The following LRP1B variants were observed in gnomAD, a reference collection of about 807,000 sequenced individuals.
The protein encoded by LRP1B is low-density lipoprotein receptor-related protein 1B.
A neutral mutation model predicts 556.6 loss-of-function variants in LRP1B; 217 were observed. That is an observed-to-expected ratio of 0.39 (90% CI 0.35 to 0.44). The LOEUF (loss-of-function observed/expected upper bound fraction) is 0.44, where lower values mean the gene tolerates loss of function less well. Among genes scored for constraint, LRP1B ranks in the 20% least tolerant of loss-of-function variants. The pLI is 1.00. For synonymous variants in LRP1B, 2,047 were observed against 1,865.8 expected (o/e 1.10, Z -2.50); for missense variants, 5,053 against 5,620.8 (o/e 0.90, Z 3.23).
chr2:141,339,627 T>C (rs1687981418), intron 3 of LRP1B, among the ~76,000 whole-genome samples: 1 of 152,190 alleles, frequency 6.6e-6, no homozygotes, highest in Non-Finnish European at 1.5e-5. Flanking sequence ...AAGTCAGCAC[T>C]CCTTGTATAT....
intron 2 of LRP1B, among the ~76,000 whole-genome samples, chr2:141,733,562 C>T (rs1389293458): frequency 2.6e-5 from 4 of 152,044 alleles, no homozygotes; most frequent in African/African-American, 9.7e-5. Context: ...TTAATGTCTC[C>T]CCGCTGCCTA....
At chr2:141,028,285 A>T (rs1698271554) in intron 11 of LRP1B, among the ~76,000 whole-genome samples, 1 of 151,660 alleles carries the variant, frequency 6.6e-6, no homozygotes, top group South Asian at 2.1e-4. Flanking sequence ...GTAAAAGTAT[A>T]AGAGGTATTA....
intron 63 of LRP1B, 103 bp from the exon 64 acceptor site, chr2:140,444,782 C>T (rs927461913): frequency 1.5e-5 from 11 of 715,370 alleles, no homozygotes; most frequent in Non-Finnish European, 2.7e-5. Context: ...TAAATATATC[C>T]TGGAATACAA....
intron 3 of LRP1B, among the ~76,000 whole-genome samples, chr2:141,467,279 C>T (rs950766345): frequency 3.3e-5 from 5 of 151,238 alleles, no homozygotes; most frequent in African/African-American, 4.9e-5. Flanking sequence ...TAGTAAGTAC[C>T]GATGGTTTAT....
chr2:141,722,090 G>A (rs1321202709), intron 2 of LRP1B, among the ~76,000 whole-genome samples: 1 of 152,074 alleles, frequency 6.6e-6, no homozygotes, highest in Non-Finnish European at 1.5e-5. Context: ...TTTAAAAATG[G>A]TCTGAGGGCG....
At chr2:141,312,682 A>G (rs1238547831) in intron 3 of LRP1B, among the ~76,000 whole-genome samples, 1 of 149,446 alleles carries the variant, frequency 6.7e-6, no homozygotes, top group African/African-American at 2.5e-5. Flanking sequence ...AATTTTGAAG[A>G]TTATTGATAA....
chr2:140,661,172 G>C (rs1685078841), intron 41 of LRP1B, among the ~76,000 whole-genome samples: 1 of 152,158 alleles, frequency 6.6e-6, no homozygotes, highest in African/African-American at 2.4e-5. Context: ...ATATCTGAAT[G>C]TTTCTCAGTT....
intron 7 of LRP1B, among the ~76,000 whole-genome samples, chr2:141,141,801 C>A (rs1281684527): frequency 1.3e-5 from 2 of 151,996 alleles, no homozygotes; most frequent in African/African-American, 4.8e-5. Flanking sequence ...CTGCTTTAGT[C>A]TTCCAATAAT....
At chr2:140,582,995 G>C (rs78267273) in intron 43 of LRP1B, among the ~76,000 whole-genome samples, 30,192 of 151,764 alleles carry the variant, frequency 0.2, 3,189 homozygotes, top group Admixed American at 0.26. Flanking sequence ...ATAAATACTA[G>C]GGTACTTTAC....
chr2:142,002,478 G>C (rs1702682946), intron 1 of LRP1B, among the ~76,000 whole-genome samples: 1 of 151,526 alleles, frequency 6.6e-6, no homozygotes. Flanking sequence ...GATAAGTGCT[G>C]CTAGCCCTTT....
At chr2:141,061,086 T>C (rs1157846435) in intron 8 of LRP1B, among the ~76,000 whole-genome samples, 1 of 151,692 alleles carries the variant, frequency 6.6e-6, no homozygotes, top group Admixed American at 6.6e-5. Flanking sequence ...CCTCTAAGGT[T>C]GTAACTAAGA....
chr2:140,934,157 A>C (rs1695135620), intron 20 of LRP1B, among the ~76,000 whole-genome samples: 1 of 152,116 alleles, frequency 6.6e-6, no homozygotes, highest in South Asian at 2.1e-4. Flanking sequence ...ATTGTATTTT[A>C]TGAGAAAATA....
Position 141,468,715 on chromosome 2 carries a change from CAG to C in LRP1B, c.343+11679_343+11680del, listed in dbSNP as rs1381898483. ...TGCTCTGAGAATATTGGAGAATTCTCAGAGTCATTTATTGAACTGTATAGATT... is the reference window on the plus strand; with the variant it reads ...TGCTCTGAGAATATTGGAGAATTCTCAGTCATTTATTGAACTGTATAGATT... On this transcript the variant is annotated intron_variant, in intron 3 of 90. Transcript: ENST00000389484. Among the ~76,000 whole-genome samples the C allele has an allele frequency of 1.9e-4, 9 of 48,292 alleles. No homozygotes were observed. The East Asian group carries it at 2.9e-3, about 15-fold the overall frequency. 31.7% of individuals were successfully genotyped at this position (48,292 alleles called of 152,430 possible).
At chr2:142,055,836 C>T (rs530029856) in intron 1 of LRP1B, among the ~76,000 whole-genome samples, 2 of 152,114 alleles carry the variant, frequency 1.3e-5, no homozygotes, top group Non-Finnish European at 2.9e-5. Flanking sequence ...TTCTGGTAGA[C>T]TATTTCTCTA....
intron 2 of LRP1B, among the ~76,000 whole-genome samples, chr2:141,717,504 A>T (rs1032578219): frequency 6.6e-6 from 1 of 152,322 alleles, no homozygotes; most frequent in East Asian, 1.9e-4. Context: ...TGGCTTGCCA[A>T]TATAACTCAA....
At chr2:141,659,654 C>T (rs543308774) in intron 2 of LRP1B, among the ~76,000 whole-genome samples, 1 of 152,106 alleles carries the variant, frequency 6.6e-6, no homozygotes, top group African/African-American at 2.4e-5. Context: ...TGGCATACTC[C>T]TTCCTTGGAT....
At chr2:140,915,348 G>A (rs1694542829) in intron 21 of LRP1B, among the ~76,000 whole-genome samples, 2 of 151,974 alleles carry the variant, frequency 1.3e-5, no homozygotes, top group African/African-American at 2.4e-5. Context: ...GAGGCCACAG[G>A]ATCAATATCT....
At chr2:140,515,066 T>A (rs1289311514) in intron 50 of LRP1B, among the ~76,000 whole-genome samples, 1 of 152,056 alleles carries the variant, frequency 6.6e-6, no homozygotes. Context: ...GTTATTATTA[T>A]TTTTTGAATG....
chr2:141,350,403 C>T (rs1688402094), intron 3 of LRP1B, among the ~76,000 whole-genome samples: 1 of 152,016 alleles, frequency 6.6e-6, no homozygotes, highest in African/African-American at 2.4e-5. Context: ...AGAAAGTTTA[C>T]TCAAAGGGAA....
Sources: gnomAD v4.1 joint callset for allele counts (sites outside exome capture counted in the v4.1 genomes callset) on GRCh38, gnomAD v4.1.1 for gene constraint, MANE v1.5 for transcripts, NCBI Gene and HGNC (gene_info 2026-07-23, HGNC 2026-07-21) for gene names.